Variants in SLC30A6 observed in about 807,000 individuals in gnomAD.
SLC30A6 encodes the protein solute carrier family 30 member 6.
In SLC30A6, 55 loss-of-function variants were observed where a neutral mutation model predicts 63.0. The ratio of observed to expected loss-of-function variants is 0.87; its 90% CI spans 0.70 to 1.09. The LOEUF (loss-of-function observed/expected upper bound fraction) is 1.09. Among genes scored for constraint, SLC30A6 ranks in the 50% least tolerant of loss-of-function variants. The probability of loss-of-function intolerance (pLI) is 0.00; values close to 1 mark genes in which losing one functional copy is unlikely to be tolerated. For missense variants in SLC30A6, 587 were observed against 549.2 expected (o/e 1.07, Z -0.69); for synonymous variants, 224 against 186.1 (o/e 1.20, Z -1.66).
Position 32,184,307 on chromosome 2 carries a change from T to C in SLC30A6, c.253T>C (p.Leu85=), listed in dbSNP as rs117458331. The change falls in exon 5 of 14, where the codon TTG becomes CTG. Residue 85 remains leucine, a synonymous_variant. Coordinates refer to ENST00000282587, the MANE Select transcript of SLC30A6 (RefSeq NM_017964.5). ...MTCLISYWVT[L]RKPSPVYSFG... ...ATGTTTAATAAGTTACTGGGTAACATTGAGGAAACCTAGCCCTGTCTATTC... is the reference window on the plus strand; with the variant it reads ...ATGTTTAATAAGTTACTGGGTAACACTGAGGAAACCTAGCCCTGTCTATTC... 1.2e-4 allele frequency: 187 copies of C among 1,536,754 alleles called. 2 individuals carry two copies. In the East Asian group the frequency reaches 4.1e-3, roughly 34 times the overall value.
intron 13 of SLC30A6, chr2:32,214,350 CA>C (rs1201428715): frequency 6.6e-6 from 1 of 152,080 alleles, no homozygotes; most frequent in Non-Finnish European, 1.5e-5. Flanking sequence ...GCTTTTGATG[CA>C]AATTCCCAAA....
At chr2:32,181,190 G>A (rs1179312486) in intron 4 of SLC30A6, among the ~76,000 whole-genome samples, 1 of 152,184 alleles carries the variant, frequency 6.6e-6, no homozygotes, top group African/African-American at 2.4e-5. Flanking sequence ...TGAATGATTT[G>A]TTAATAAATG....
At chr2:32,192,449 C>G (rs374086838) in intron 6 of SLC30A6, 33 bp downstream of exon 6, 215 of 1,565,876 alleles carry the variant, frequency 1.4e-4, no homozygotes, top group Non-Finnish European at 1.7e-4. Context: ...TCTAAATCCC[C>G]CCATGACACC....
intron 8 of SLC30A6, among the ~76,000 whole-genome samples, chr2:32,197,045 A>G (rs932507973): frequency 2.0e-5 from 3 of 152,216 alleles, no homozygotes; most frequent in Non-Finnish European, 2.9e-5. Context: ...GGGCAGAAAG[A>G]GCAAAACTCC....
intron 13 of SLC30A6, among the ~76,000 whole-genome samples, chr2:32,215,705 T>A (rs778659990): frequency 1.3e-5 from 2 of 151,802 alleles, no homozygotes; most frequent in Admixed American, 6.6e-5. Context: ...TTATATCTTA[T>A]TTTATTTTTT....
intron 13 of SLC30A6, among the ~76,000 whole-genome samples, chr2:32,210,783 G>T (rs1371377841): frequency 6.6e-6 from 1 of 152,050 alleles, no homozygotes; most frequent in African/African-American, 2.4e-5. Flanking sequence ...TGGGAAAATG[G>T]TTGCTTCACC....
At chr2:32,203,223 G>A (rs189199028) in intron 10 of SLC30A6, 39 of 1,060,336 alleles carry the variant, frequency 3.7e-5, no homozygotes, top group Admixed American at 2.5e-4. Context: ...TATATCCATC[G>A]TTCTGGACGC....
At chr2:32,178,208 A>G (rs1452940726) in intron 4 of SLC30A6, among the ~76,000 whole-genome samples, 1 of 151,906 alleles carries the variant, frequency 6.6e-6, no homozygotes, top group Non-Finnish European at 1.5e-5. Context: ...CGGCTTCCCA[A>G]AGTGCTGGGA....
chr2:32,172,726 CTGCCTATTAG>C (rs1681349922), intron 2 of SLC30A6, among the ~76,000 whole-genome samples: 1 of 113,818 alleles, frequency 8.8e-6, no homozygotes, highest in South Asian at 3.1e-4. Context: ...CTATTAAGTG[CTGCCTATTAG>C]TGCTCTTTCA....
At position 32,210,539 on chromosome 2, in the gene SLC30A6, C is replaced by T. The variant is rs1463156097; in HGVS notation, c.885+978C>T. On this transcript the variant is annotated intron_variant, in intron 13 of 13. Transcript: ENST00000282587. Reference sequence around the variant, plus strand: ...CCAAAAAAAAAAAAAAAAAAAAAAACAACAGAAAATGAGATCATGCTGTTT... The same window carrying T: ...CCAAAAAAAAAAAAAAAAAAAAAAATAACAGAAAATGAGATCATGCTGTTT... 2.4e-4 allele frequency among the ~76,000 whole-genome samples: 22 copies of T among 91,876 alleles called. 2 individuals are homozygous for T. The highest frequency in any genetic ancestry group is 7.9e-4 in the African/African-American group (20 of 25,190). 60.3% of individuals were successfully genotyped at this position (91,876 alleles called of 152,430 possible).
At chr2:32,176,629 GC>G (rs1681768846) in intron 4 of SLC30A6, among the ~76,000 whole-genome samples, 1 of 150,902 alleles carries the variant, frequency 6.6e-6, no homozygotes, top group Non-Finnish European at 1.5e-5. Context: ...CTGCACTCCA[GC>G]CTGGGCGACA....
chr2:32,204,690 CA>C lies in SLC30A6; in HGVS notation c.767del (p.Gln256ArgfsTer21), dbSNP rs761022220. ...MSVYSGKVLL[Q>X]TTPPHVIGQL... ...TGTGTACAGTGGGAAAGTCTTACTC[CA>C]GGTAAGGTGCTTCTTCCAATGCACG... is the stretch of plus-strand genomic sequence containing the variant. On this transcript the variant is annotated frameshift_variant and splice_region_variant, in exon 11 of 14. Transcript: ENST00000282587. LOFTEE classifies it high-confidence loss of function. 1 of 1,591,088 alleles carries C rather than the reference CA, an allele frequency of 6.3e-7. No homozygotes were observed. The highest frequency in any genetic ancestry group is 1.3e-5 in the African/African-American group (1 of 74,628).
intron 8 of SLC30A6, among the ~76,000 whole-genome samples, chr2:32,195,992 C>T (rs138448720): frequency 6.6e-6 from 1 of 152,054 alleles, no homozygotes; most frequent in Non-Finnish European, 1.5e-5. Context: ...TGAGTTCAGC[C>T]TGGGAAACAT....
intron 4 of SLC30A6, among the ~76,000 whole-genome samples, chr2:32,179,444 A>G (rs1325122378): frequency 6.6e-6 from 1 of 152,154 alleles, no homozygotes; most frequent in Non-Finnish European, 1.5e-5. Flanking sequence ...CTCAAACTTG[A>G]CCATACAGCA....
chr2:32,186,736 G>A (rs901790869), intron 5 of SLC30A6, among the ~76,000 whole-genome samples: 24 of 151,408 alleles, frequency 1.6e-4, no homozygotes, highest in Non-Finnish European at 3.1e-4. Flanking sequence ...AGTGGCTCAT[G>A]CCTGTAATCC....
chr2:32,184,224 C>G (rs1682603389), intron 4 of SLC30A6, 49 bp from the exon 5 acceptor site: 1 of 1,069,144 alleles, frequency 9.4e-7, no homozygotes, highest in Non-Finnish European at 1.3e-6. Context: ...TTTATCTTCA[C>G]ATGTTCTCTT....
chr2:32,211,806 G>T (rs1685280693), intron 13 of SLC30A6, among the ~76,000 whole-genome samples: 1 of 151,956 alleles, frequency 6.6e-6, no homozygotes. Flanking sequence ...TTTTAGTAGA[G>T]ATGGGGTTTT....
At position 32,223,348 on chromosome 2, in the gene SLC30A6, A is replaced by G. The variant is rs1269103884; in HGVS notation, c.*2635A>G. 2 of 152,258 alleles carry G rather than the reference A, an allele frequency of 1.3e-5. No homozygotes were observed. The highest frequency in any genetic ancestry group is 1.3e-4 in the Admixed American group (2 of 15,282). 9.4% of individuals were successfully genotyped at this position (152,258 alleles called of 1,614,324 possible). ...ATTAACCCTGCTTTACGAAGTCACC[A>G]TATTATAATAGGAAAAACACTGCCT... On this transcript the variant is annotated 3_prime_UTR_variant, in exon 14 of 14. Coordinates refer to ENST00000282587, the MANE Select transcript of SLC30A6 (RefSeq NM_017964.5).
chr2:32,197,523 C>T (rs1683902451), intron 9 of SLC30A6, 131 bp downstream of exon 9: 4 of 1,227,578 alleles, frequency 3.3e-6, no homozygotes, highest in East Asian at 2.4e-5. Flanking sequence ...TGTTATTCTC[C>T]CTTTACTTTT....
Sources: gnomAD v4.1 joint callset for allele counts (sites outside exome capture counted in the v4.1 genomes callset) on GRCh38, gnomAD v4.1.1 for gene constraint, MANE v1.5 for transcripts, NCBI Gene and HGNC (gene_info 2026-07-23, HGNC 2026-07-21) for gene names.